The following PCDHGB4 variants were observed in gnomAD, a reference collection of about 807,000 sequenced individuals.
The protein encoded by PCDHGB4 is protocadherin gamma-B4.
In PCDHGB4, 38 loss-of-function variants were observed where a neutral mutation model predicts 60.5. That is an observed-to-expected ratio of 0.63 (90% CI 0.48 to 0.82). The LOEUF is 0.82. PCDHGB4 is among the 40% of genes least tolerant of loss of function. The probability of loss-of-function intolerance (pLI) is 0.00; values close to 1 mark genes in which losing one functional copy is unlikely to be tolerated. For missense variants in PCDHGB4, 1,109 were observed against 1,209.6 expected (o/e 0.92, Z 1.23); for synonymous variants, 456 against 509.7 (o/e 0.89, Z 1.42).
chr5:141,399,697 T>C, intron 1 of PCDHGB4: 1 of 1,613,436 alleles, frequency 6.2e-7, no homozygotes. Context: ...GCTGCGCACC[T>C]TCGAACTCAC....
At chr5:141,450,549 C>T (rs1414500813) in intron 1 of PCDHGB4, among the ~76,000 whole-genome samples, 2 of 151,756 alleles carry the variant, frequency 1.3e-5, no homozygotes, top group Non-Finnish European at 2.9e-5. Context: ...TGCAGTGGCG[C>T]AGTCTCGGCT....
rs144317211 is a variant in PCDHGB4 at position 141,432,088 on chromosome 5, A to G, written c.2397+41807A>G. On this transcript the variant is annotated intron_variant, in intron 1 of 3. Transcript: ENST00000519479. This position sits in a 1 kb window ranked among gnomAD's most constrained non-coding sequence, Gnocchi z 6.0. Reference sequence around the variant, plus strand: ...AAACTCATATCTCGCTGAACGTGGCAGACACCAACGACAACCCGCCGGTCT... The same window carrying G: ...AAACTCATATCTCGCTGAACGTGGCGGACACCAACGACAACCCGCCGGTCT... The G allele has an allele frequency of 6.2e-7, 1 of 1,614,148 alleles. No individual in the cohort carries two copies. Among genetic ancestry groups the G allele is most frequent in the South Asian group, 1.1e-5 (1 of 91,074 alleles).
At chr5:141,394,536 G>T in intron 1 of PCDHGB4, 2 of 1,614,188 alleles carry the variant, frequency 1.2e-6, no homozygotes, top group Non-Finnish European at 1.7e-6. Flanking sequence ...TTCCACTGGC[G>T]TGGAGCTGGC....
chr5:141,430,889 A>G, intron 1 of PCDHGB4: 1 of 1,605,270 alleles, frequency 6.2e-7, no homozygotes, highest in African/African-American at 1.3e-5. Flanking sequence ...GAAAGGCTCT[A>G]GGGTGGGCGA....
chr5:141,469,036 G>T (rs1396748159), intron 1 of PCDHGB4, among the ~76,000 whole-genome samples: 2 of 152,076 alleles, frequency 1.3e-5, no homozygotes, highest in Non-Finnish European at 2.9e-5. Flanking sequence ...CAGCACTTTG[G>T]GAGGCCAAGG....
intron 2 of PCDHGB4, among the ~76,000 whole-genome samples, chr5:141,505,026 G>A (rs190826538): frequency 4.6e-5 from 7 of 152,316 alleles, no homozygotes; most frequent in African/African-American, 1.7e-4. Context: ...GCCTGGCACA[G>A]TGGCAGGTGC....
intron 1 of PCDHGB4, chr5:141,428,211 C>T (rs777952475): frequency 2.2e-5 from 28 of 1,284,198 alleles, no homozygotes; most frequent in South Asian, 4.9e-5. Flanking sequence ...CTACGCTTCA[C>T]CTAGTCTTCG....
chr5:141,391,929 T>C (rs1035871197), intron 1 of PCDHGB4: 1 of 152,214 alleles, frequency 6.6e-6, no homozygotes, highest in African/African-American at 2.4e-5. Flanking sequence ...ATCTGTACCT[T>C]TCAAGTATTC....
In PCDHGB4 at chr5:141,489,201, G is replaced by A. The variant is rs757039294; in HGVS notation, c.2398-5606G>A. ...AGCCCTGGGTCTACCTTGGAGACAG[G>A]ACAGCACAGACTTACTCTCCACAAA... On this transcript the variant is annotated intron_variant, in intron 1 of 3. Coordinates refer to ENST00000519479, the MANE Select transcript of PCDHGB4 (RefSeq NM_003736.4). This position sits in a 1 kb window ranked among gnomAD's most constrained non-coding sequence, Gnocchi z 4.5. The A allele has an allele frequency of 7.8e-6, 11 of 1,416,092 alleles. No individual in the cohort carries two copies. In the African/African-American group the frequency reaches 1.3e-4, roughly 17 times the overall value. 87.7% of individuals were successfully genotyped at this position (1,416,092 alleles called of 1,614,324 possible).
chr5:141,399,146 G>A, intron 1 of PCDHGB4: 4 of 1,613,792 alleles, frequency 2.5e-6, no homozygotes, highest in Non-Finnish European at 3.4e-6. Context: ...AATGACAATA[G>A]CCCAGAAGTT....
At chr5:141,405,931 C>CT (rs1439525242) in intron 1 of PCDHGB4, among the ~76,000 whole-genome samples, 2 of 152,062 alleles carry the variant, frequency 1.3e-5, no homozygotes, top group Non-Finnish European at 2.9e-5. Context: ...GCTGATATAA[C>CT]TTTCATGTTC....
Position 141,431,534 on chromosome 5 carries a change from A to G in PCDHGB4, c.2397+41253A>G, listed in dbSNP as rs1331176313. Reference sequence around the variant, plus strand: ...CGTTCCGGAGAATCTGGCCTTGGGCACGCAGCTGCTTGTAGTCAACGCTAC... The same window carrying G: ...CGTTCCGGAGAATCTGGCCTTGGGCGCGCAGCTGCTTGTAGTCAACGCTAC... On this transcript the variant is annotated intron_variant, in intron 1 of 3. Coordinates refer to ENST00000519479, the MANE Select transcript of PCDHGB4 (RefSeq NM_003736.4). This position sits in a 1 kb window ranked among gnomAD's most constrained non-coding sequence, Gnocchi z 4.8. The G allele has an allele frequency of 1.2e-6, 2 of 1,614,110 alleles. No individual in the cohort carries two copies. The highest frequency in any genetic ancestry group is 8.5e-7 in the Non-Finnish European group (1 of 1,180,042).
chr5:141,392,081 T>A lies in PCDHGB4; in HGVS notation c.2397+1800T>A, dbSNP rs376097159. 3.3e-5 allele frequency: 5 copies of A among 152,350 alleles called. No individual in the cohort carries two copies. In the East Asian group the frequency reaches 7.7e-4, roughly 23 times the overall value. The allele number at this position is 152,350 out of a possible 1,614,324, so 9.4% of individuals were successfully genotyped here. A position where few individuals can be genotyped will look rare whatever the true frequency, so the allele number is the denominator to read the frequency against. On this transcript the variant is annotated intron_variant, in intron 1 of 3. Coordinates refer to ENST00000519479, the MANE Select transcript of PCDHGB4 (RefSeq NM_003736.4). ...TATCGACATGTAATTCAAGTGGCAT[T>A]TAGAAGAATAATTTAAAAGCAACAA...
At chr5:141,504,529 G>A (rs1333393859) in intron 2 of PCDHGB4, among the ~76,000 whole-genome samples, 1 of 151,900 alleles carries the variant, frequency 6.6e-6, no homozygotes, top group African/African-American at 2.4e-5. Context: ...TATTTTATTC[G>A]TGTCATCATG....
rs369369148 is a variant in PCDHGB4, at chr5:141,390,124, C to T, written c.2240C>T (p.Pro747Leu). 1.5e-5 allele frequency: 24 copies of T among 1,613,924 alleles called. No individual in the cohort carries two copies. The highest frequency in any genetic ancestry group is 1.9e-5 in the Non-Finnish European group (23 of 1,179,910). The change falls in exon 1 of 4, where the codon CCT (proline) becomes CTT (leucine). Residue 747 changes from proline to leucine, a missense_variant. Pro to Leu is a moderately conservative substitution (Grantham distance 98). Around this residue, in one of 2 missense-constraint regions of PCDHGB4, gnomAD observed 1,068 missense variants for 1,089.9 expected, o/e 0.98. Transcript: ENST00000519479. The stretch of plus-strand genomic sequence containing the variant: ...CCCAACTACAGCGAGGGGACTTTGC[C>T]TTATTCCTACAATCTATGTGTTGCA... ...VPPNYSEGTL[P>L]YSYNLCVAHT...
At chr5:141,392,965 A>C in intron 1 of PCDHGB4, 1 of 1,613,890 alleles carries the variant, frequency 6.2e-7, no homozygotes, top group East Asian at 2.2e-5. Context: ...ATCTCCAAGG[A>C]CCTGGGGCTG....
chr5:141,403,703 G>A (rs747321937), intron 1 of PCDHGB4: 5 of 1,613,946 alleles, frequency 3.1e-6, no homozygotes, highest in Non-Finnish European at 4.2e-6. Context: ...CCGAGTTAAA[G>A]TCCTTGAGAA....
intron 1 of PCDHGB4, among the ~76,000 whole-genome samples, chr5:141,446,315 G>A (rs556077331): frequency 6.6e-6 from 1 of 152,188 alleles, no homozygotes; most frequent in East Asian, 1.9e-4. Context: ...TGATTCCTGG[G>A]TTTCCACATT....
At chr5:141,402,120 T>C (rs17097267) in intron 1 of PCDHGB4, among the ~76,000 whole-genome samples, 16,890 of 152,168 alleles carry the variant, frequency 0.11, 1,101 homozygotes, top group African/African-American at 0.17. Context: ...TGTGAAAATT[T>C]CCAACTTTAA....
Sources: gnomAD v4.1 joint callset for allele counts (sites outside exome capture counted in the v4.1 genomes callset) on GRCh38, gnomAD v4.1.1 for gene constraint, gnomAD v4.1.1 regional missense constraint, Gnocchi (gnomAD v3.1) non-coding constraint, MANE v1.5 for transcripts, NCBI Gene and HGNC (gene_info 2026-07-23, HGNC 2026-07-21) for gene names.